PANK1: variants seen among roughly 807,000 people sequenced by gnomAD.
The protein encoded by PANK1 is pantothenate kinase 1.
Under a neutral mutation model 40.1 loss-of-function variants are expected in PANK1, and 18 were observed. The observed-to-expected ratio is 0.45, with a 90% CI of 0.31 to 0.67. The LOEUF (loss-of-function observed/expected upper bound fraction) is 0.67. PANK1 is among the 30% of genes least tolerant of loss of function. The probability of loss-of-function intolerance (pLI) is 0.06; values close to 1 mark genes in which losing one functional copy is unlikely to be tolerated. For synonymous variants in PANK1, 242 were observed against 237.7 expected, an observed-to-expected ratio of 1.02 and a Z score of -0.17; for missense variants, 457 against 599.6, an observed-to-expected ratio of 0.76 and a Z score of 2.48.
At chr10:89,594,388 A>T (rs1177510404) in intron 3 of PANK1, among the ~76,000 whole-genome samples, 1 of 152,222 alleles carries the variant, frequency 6.6e-6, no homozygotes, top group Non-Finnish European at 1.5e-5. Context: ...AAAAAACCAT[A>T]TGCAGCTGAA....
chr10:89,609,781 T>C (rs1344372971), intron 2 of PANK1, among the ~76,000 whole-genome samples: 1 of 152,240 alleles, frequency 6.6e-6, no homozygotes, highest in African/African-American at 2.4e-5. Context: ...GGCTTCTTTA[T>C]CTTGGTTGTA....
Position 89,621,319 on chromosome 10 carries a change from T to C in PANK1, c.293-9271A>G, listed in dbSNP as rs546771504. Among the ~76,000 whole-genome samples, 33 of 145,096 alleles carry C rather than the reference T, an allele frequency of 2.3e-4. No homozygotes were observed. In the South Asian group the frequency reaches 6.9e-3, roughly 30 times the overall value. On this transcript the variant is annotated intron_variant, in intron 1 of 6. Coordinates refer to ENST00000307534, the MANE Select transcript of PANK1 (RefSeq NM_148977.3). ...CTCTGTCTCATAAAAAAAAAAAAAA[T>C]CCTTGTTAAATCCAATTGTGTAATG...
At chr10:89,581,308 A>G (rs1317492707), downstream of PANK1, 1 of 152,206 alleles carries the variant, frequency 6.6e-6, no homozygotes, top group Non-Finnish European at 1.5e-5. Context: ...CAACAAAGAG[A>G]CTCTGAATCC....
chr10:89,619,356 A>G (rs2133976485), intron 1 of PANK1, among the ~76,000 whole-genome samples: 1 of 152,346 alleles, frequency 6.6e-6, no homozygotes. Context: ...AACTCCAAAT[A>G]GCCTAAATGA....
intron 1 of PANK1, chr10:89,643,677 T>C: frequency 6.4e-7 from 1 of 1,567,502 alleles, no homozygotes; most frequent in Non-Finnish European, 8.8e-7. Context: ...CAGTCATTTA[T>C]TAGCATTTAC....
intron 1 of PANK1, among the ~76,000 whole-genome samples, chr10:89,622,806 T>C (rs931147889): frequency 4.0e-5 from 6 of 150,588 alleles, no homozygotes; most frequent in Admixed American, 2.7e-4. Context: ...CACTGCAATC[T>C]AGCCTGGGTG....
intron 2 of PANK1, among the ~76,000 whole-genome samples, chr10:89,604,041 A>G (rs973692647): frequency 2.6e-5 from 4 of 152,170 alleles, no homozygotes; most frequent in African/African-American, 4.8e-5. Flanking sequence ...GCTTTTTAAG[A>G]CTGGTCCCTT....
At chr10:89,615,059 G>A (rs1172396300) in intron 1 of PANK1, among the ~76,000 whole-genome samples, 1 of 152,122 alleles carries the variant, frequency 6.6e-6, no homozygotes, top group Non-Finnish European at 1.5e-5. Context: ...TTACAGGAGT[G>A]GCAGAATGAG....
At chr10:89,631,636 A>G (rs773789101) in intron 1 of PANK1, among the ~76,000 whole-genome samples, 8 of 152,232 alleles carry the variant, frequency 5.3e-5, no homozygotes, top group African/African-American at 1.9e-4. Context: ...TATGTAGGAG[A>G]TACTAATCAC....
chr10:89,597,138 A>G (rs1464374721), intron 3 of PANK1, among the ~76,000 whole-genome samples: 3 of 152,240 alleles, frequency 2.0e-5, no homozygotes, highest in Non-Finnish European at 4.4e-5. Context: ...AGTGACAGCT[A>G]TCAGTTCACA....
chr10:89,614,669 C>T (rs934083970), intron 1 of PANK1, among the ~76,000 whole-genome samples: 2 of 151,902 alleles, frequency 1.3e-5, no homozygotes, highest in South Asian at 2.1e-4. Context: ...TGGTGGTGCA[C>T]GCCTGTAGTC....
At chr10:89,629,462 T>C (rs1442584726) in intron 1 of PANK1, among the ~76,000 whole-genome samples, 1 of 152,220 alleles carries the variant, frequency 6.6e-6, no homozygotes, top group African/African-American at 2.4e-5. Flanking sequence ...TGGGATCATT[T>C]AGTTTTGGGG....
At chr10:89,623,936 T>C (rs1845583548) in intron 1 of PANK1, among the ~76,000 whole-genome samples, 1 of 152,158 alleles carries the variant, frequency 6.6e-6, no homozygotes, top group Non-Finnish European at 1.5e-5. Context: ...AACTTAGCAA[T>C]TGAAAATACG....
chr10:89,638,754 C>T (rs1841893625), intron 1 of PANK1, among the ~76,000 whole-genome samples: 1 of 152,208 alleles, frequency 6.6e-6, no homozygotes. Flanking sequence ...TACCTTATTC[C>T]TCTTTTCCAT....
rs114802049 is a variant in PANK1 at position 89,593,405 on chromosome 10, C to T, written c.1077-85G>A. ...CACCAAAGTATTGTGGAAGGCTCTA[C>T]GAGTAACTGTTCAAACTCAAGTGAT... On this transcript the variant is annotated intron_variant, in intron 4 of 6. Transcript: ENST00000307534. 1.5e-3 allele frequency: 2,191 copies of T among 1,450,586 alleles called. 49 individuals carry two copies. The South Asian group carries it at 0.02, about 13-fold the overall frequency. 89.9% of individuals were successfully genotyped at this position (1,450,586 alleles called of 1,614,324 possible).
chr10:89,640,096 G>A (rs372106639), intron 1 of PANK1, among the ~76,000 whole-genome samples: 26 of 152,330 alleles, frequency 1.7e-4, no homozygotes, highest in African/African-American at 6.0e-4. Flanking sequence ...TGGACAGGTT[G>A]CTTTACTTCT....
rs760064933 is a variant in PANK1 at position 89,584,469 on chromosome 10, C to T, written c.1327-4G>A. The stretch of plus-strand genomic sequence containing the variant: ...CCCCAACGGCTCCAAAATAACCCTA[C>T]GAAAACAATACAAAACGATGATCTC... On this transcript the variant is annotated splice_polypyrimidine_tract_variant and splice_region_variant and intron_variant, in intron 6 of 6. Transcript: ENST00000307534. 181 of 1,595,730 alleles carry T rather than the reference C, an allele frequency of 1.1e-4. No individual in the cohort carries two copies. Among genetic ancestry groups the T allele is most frequent in the Non-Finnish European group, 1.4e-4 (165 of 1,163,674 alleles).
At chr10:89,628,247 T>G (rs1482027562) in intron 1 of PANK1, among the ~76,000 whole-genome samples, 1 of 152,238 alleles carries the variant, frequency 6.6e-6, no homozygotes, top group African/African-American at 2.4e-5. Context: ...AGCTGCATTA[T>G]TCACAATAGC....
chr10:89,598,797 A>G (rs1227117815), intron 3 of PANK1, among the ~76,000 whole-genome samples: 2 of 151,224 alleles, frequency 1.3e-5, no homozygotes. Flanking sequence ...GGCTGAGGGT[A>G]AAAAAACATT....
Sources: gnomAD v4.1 joint callset for allele counts (sites outside exome capture counted in the v4.1 genomes callset) on GRCh38, gnomAD v4.1.1 for gene constraint, MANE v1.5 for transcripts, NCBI Gene and HGNC (gene_info 2026-07-23, HGNC 2026-07-21) for gene names.